RPS6KA2: variants seen among roughly 807,000 people sequenced by gnomAD.
The protein encoded by RPS6KA2 is ribosomal protein S6 kinase alpha-2.
RPS6KA2 carries 42 observed loss-of-function variants against 91.8 expected under a neutral mutation model. The observed-to-expected ratio is 0.46, with a 90% CI of 0.36 to 0.59. The LOEUF (loss-of-function observed/expected upper bound fraction) is 0.59. Among genes scored for constraint, RPS6KA2 ranks in the 20% least tolerant of loss-of-function variants. The pLI, the probability that RPS6KA2 is intolerant of heterozygous loss-of-function variation, is 0.00. For synonymous variants in RPS6KA2, 414 were observed against 393.6 expected (o/e 1.05, Z -0.61); for missense variants, 798 against 978.5 (o/e 0.82, Z 2.46).
At chr6:166,701,638 G>A (rs971464002) in intron 2 of RPS6KA2, 58 of 1,295,732 alleles carry the variant, frequency 4.5e-5, no homozygotes, top group Non-Finnish European at 5.5e-5. Flanking sequence ...CTCAGACTGC[G>A]GGGAGGGAGG....
rs16899153 is a variant in RPS6KA2, at chr6:166,557,717, C to A, written c.100-18933G>T. 0.066 allele frequency among the ~76,000 whole-genome samples: 9,987 copies of A among 152,258 alleles called. 1,105 individuals carry two copies. The highest frequency in any genetic ancestry group is 0.23 in the African/African-American group (9,366 of 41,500). Reference sequence around the variant, plus strand: ...TTACAAGAAAGTTGTTATTCCCAGGCAAATATCCAGAGTTCAAAATGAAAC... The same window carrying A: ...TTACAAGAAAGTTGTTATTCCCAGGAAAATATCCAGAGTTCAAAATGAAAC... On this transcript the variant is annotated intron_variant, in intron 1 of 20. Transcript: ENST00000265678. This position sits in a 1 kb window ranked among gnomAD's most constrained non-coding sequence, Gnocchi z 4.8.
At chr6:166,509,916 G>T (rs1313440753) in intron 4 of RPS6KA2, among the ~76,000 whole-genome samples, 1 of 152,198 alleles carries the variant, frequency 6.6e-6, no homozygotes, top group African/African-American at 2.4e-5. Context: ...CTGGTTTAAA[G>T]AAATTATTGG....
At chr6:166,652,458 T>C (rs919043909) in intron 2 of RPS6KA2, among the ~76,000 whole-genome samples, 2 of 152,152 alleles carry the variant, frequency 1.3e-5, no homozygotes, top group African/African-American at 4.8e-5. Flanking sequence ...CACCTTATTC[T>C]CTTCGGGGAA....
At chr6:166,542,863 G>A (rs1041323367) in intron 1 of RPS6KA2, among the ~76,000 whole-genome samples, 5 of 152,154 alleles carry the variant, frequency 3.3e-5, no homozygotes, top group Non-Finnish European at 5.9e-5. Context: ...CAAATTAAAA[G>A]TTGTGGAATA....
At chr6:166,436,330 A>AC (rs1779304358) in intron 14 of RPS6KA2, among the ~76,000 whole-genome samples, 1 of 152,076 alleles carries the variant, frequency 6.6e-6, no homozygotes, top group African/African-American at 2.4e-5. Context: ...AAAAAAAAAA[A>AC]AAAACCTCAG....
Position 166,679,854 on chromosome 6 carries a change from C to T in RPS6KA2, c.124-141070G>A, listed in dbSNP as rs915065093. Among the ~76,000 whole-genome samples, 15 of 152,232 alleles carry T rather than the reference C, an allele frequency of 9.9e-5. No individual in the cohort carries two copies. In the East Asian group the frequency reaches 1.9e-3, roughly 20 times the overall value. On this transcript the variant is annotated intron_variant, in intron 2 of 21. Transcript: ENST00000503859. ...GGCTCGGCAAGCCCCGCACTCAGCG[C>T]GGTTGGCCAGCGCCTGCTGGGCTTG...
At chr6:166,712,620 C>T (rs1789895976) in intron 2 of RPS6KA2, among the ~76,000 whole-genome samples, 1 of 152,196 alleles carries the variant, frequency 6.6e-6, no homozygotes, top group Non-Finnish European at 1.5e-5. Context: ...GTGCCATGCA[C>T]CTGCAGAAGT....
intron 1 of RPS6KA2, among the ~76,000 whole-genome samples, chr6:166,860,344 A>C (rs1367509105): frequency 6.6e-6 from 1 of 152,224 alleles, no homozygotes; most frequent in African/African-American, 2.4e-5. Flanking sequence ...AATTTTCCTC[A>C]AAACCTTTAC....
At chr6:166,707,082 A>C (rs1311045621) in intron 2 of RPS6KA2, among the ~76,000 whole-genome samples, 1 of 152,264 alleles carries the variant, frequency 6.6e-6, no homozygotes, top group Non-Finnish European at 1.5e-5. Context: ...AGTACCCAGC[A>C]AACTTGAGAG....
At chr6:166,783,828 ACACGTGCACACCTATCTATACCACATATG>A (rs1562437228) in intron 2 of RPS6KA2, among the ~76,000 whole-genome samples, 4,421 of 83,676 alleles carry the variant, frequency 0.053, 683 homozygotes, top group East Asian at 0.37. Context: ...CCACATATGC[ACACGTGCACACCTATCTATACCACATATG>A]CACACGTGCA....
intron 2 of RPS6KA2, among the ~76,000 whole-genome samples, chr6:166,644,540 TA>T (rs1787549109): frequency 6.6e-6 from 1 of 152,210 alleles, no homozygotes; most frequent in Non-Finnish European, 1.5e-5. Context: ...AACCTCCCGG[TA>T]TTCTCAGGGA....
intron 11 of RPS6KA2, among the ~76,000 whole-genome samples, chr6:166,467,702 C>T (rs1020398100): frequency 1.3e-5 from 2 of 152,230 alleles, no homozygotes; most frequent in African/African-American, 4.8e-5. Context: ...TGACCACTTT[C>T]GTGTGCTTCT....
At position 166,448,901 on chromosome 6, in the gene RPS6KA2, C is replaced by T. The variant is rs564839473; in HGVS notation, c.1207-52G>A. On this transcript the variant is annotated intron_variant, in intron 13 of 20. Coordinates refer to ENST00000265678, the MANE Select transcript of RPS6KA2 (RefSeq NM_021135.6). The surrounding 1 kb of genome is among the most constrained non-coding windows in gnomAD (Gnocchi z 4.7). ...TTGTCGGAACCCTCACACGAGGGGA[C>T]GGTGCAGCTACACGCACACAGAATG... 149 of 1,602,852 alleles carry T rather than the reference C, an allele frequency of 9.3e-5. No homozygotes were observed. The highest frequency in any genetic ancestry group is 1.2e-4 in the Non-Finnish European group (136 of 1,172,704).
chr6:166,617,473 A>T (rs573160495), intron 1 of RPS6KA2, among the ~76,000 whole-genome samples: 37 of 152,184 alleles, frequency 2.4e-4, no homozygotes, highest in Non-Finnish European at 5.0e-4. Flanking sequence ...TCTACAGAAA[A>T]TTTTTCAAGG....
chr6:166,543,202 C>T (rs557604543), intron 1 of RPS6KA2, among the ~76,000 whole-genome samples: 15 of 152,142 alleles, frequency 9.9e-5, no homozygotes, highest in Non-Finnish European at 1.6e-4. Flanking sequence ...CGCTTAATGA[C>T]AGAGTACCAC....
At chr6:166,728,512 C>T (rs892256380) in intron 2 of RPS6KA2, among the ~76,000 whole-genome samples, 2 of 152,204 alleles carry the variant, frequency 1.3e-5, no homozygotes, top group South Asian at 2.1e-4. Flanking sequence ...CTCTGAGCCA[C>T]GTTTCTGCAG....
chr6:166,709,043 T>C (rs1436229519), intron 2 of RPS6KA2, among the ~76,000 whole-genome samples: 1 of 152,208 alleles, frequency 6.6e-6, no homozygotes, highest in Non-Finnish European at 1.5e-5. Flanking sequence ...GCTGTGAGCC[T>C]GCAGTGGGGT....
intron 1 of RPS6KA2, among the ~76,000 whole-genome samples, chr6:166,620,142 T>C (rs116391976): frequency 0.013 from 2,004 of 152,316 alleles, 45 homozygotes; most frequent in African/African-American, 0.046. Flanking sequence ...AAAATTCAGA[T>C]TGTGAAACTA....
intron 11 of RPS6KA2, among the ~76,000 whole-genome samples, chr6:166,460,457 G>A (rs9348137): frequency 0.28 from 42,412 of 152,128 alleles, 6,332 homozygotes; most frequent in East Asian, 0.57. Flanking sequence ...GGAGGGAGCC[G>A]GGGGAGCCCA....
Sources: gnomAD v4.1 joint callset for allele counts (sites outside exome capture counted in the v4.1 genomes callset) on GRCh38, gnomAD v4.1.1 for gene constraint, Gnocchi (gnomAD v3.1) non-coding constraint, MANE v1.5 for transcripts, NCBI Gene and HGNC (gene_info 2026-07-23, HGNC 2026-07-21) for gene names.